Variants in PAX2 observed in about 807,000 individuals in gnomAD.
The protein encoded by PAX2 is paired box 2, also known as paired box protein Pax-2.
Under a neutral mutation model 41.7 loss-of-function variants are expected in PAX2, and 9 were observed. That is an observed-to-expected ratio of 0.22 (90% CI 0.13 to 0.38). The LOEUF (loss-of-function observed/expected upper bound fraction) is 0.38, where lower values mean the gene tolerates loss of function less well. PAX2 is among the 10% of genes least tolerant of loss of function. The pLI is 1.00. For synonymous variants in PAX2, 221 were observed against 212.7 expected (o/e 1.04, Z -0.34); for missense variants, 418 against 531.6 (o/e 0.79, Z 2.10).
chr10:100,774,158 G>T (rs1039404087), intron 3 of PAX2, among the ~76,000 whole-genome samples: 1 of 152,166 alleles, frequency 6.6e-6, no homozygotes, highest in Non-Finnish European at 1.5e-5. Context: ...AAGGTGGAGC[G>T]CTTCTCTCTT....
At chr10:100,762,079 C>T (rs1479506871) in intron 3 of PAX2, among the ~76,000 whole-genome samples, 3 of 152,010 alleles carry the variant, frequency 2.0e-5, no homozygotes, top group Non-Finnish European at 2.9e-5. Flanking sequence ...AGCAGCCCTG[C>T]CAGGCTCGGC....
At chr10:100,802,201 GGAA>G (rs1564734615) in intron 5 of PAX2, among the ~76,000 whole-genome samples, 1 of 152,134 alleles carries the variant, frequency 6.6e-6, no homozygotes, top group African/African-American at 2.4e-5. Context: ...CAGAGAATGG[GGAA>G]GAATACTGGA....
At chr10:100,788,639 G>C (rs1244767674) in intron 5 of PAX2, among the ~76,000 whole-genome samples, 1 of 152,218 alleles carries the variant, frequency 6.6e-6, no homozygotes, top group Admixed American at 6.5e-5. Flanking sequence ...GATGCAGGGG[G>C]CTGGCAGAAC....
At chr10:100,792,038 C>A (rs1461203735) in intron 5 of PAX2, among the ~76,000 whole-genome samples, 2 of 152,200 alleles carry the variant, frequency 1.3e-5, no homozygotes, top group East Asian at 1.9e-4. Context: ...TGCTGGGGAT[C>A]CATTTTTCTC....
At chr10:100,785,580 T>C (rs1018256704) in intron 5 of PAX2, among the ~76,000 whole-genome samples, 24 of 152,202 alleles carry the variant, frequency 1.6e-4, no homozygotes, top group African/African-American at 5.3e-4. Context: ...GATGAAGCCA[T>C]AAATGGAAGA....
chr10:100,763,764 T>C (rs1845915654), intron 3 of PAX2, among the ~76,000 whole-genome samples: 1 of 152,250 alleles, frequency 6.6e-6, no homozygotes, highest in South Asian at 2.1e-4. Flanking sequence ...GCACCTACTA[T>C]GTGCTAGGCA....
chr10:100,827,625 GC>G lies in PAX2; in HGVS notation c.*7del, dbSNP rs1848626306. Reference sequence around the variant, plus strand: ...CTGCCTATGACCGCCACTAGTTACCGCGGGGACCACATCAAGCTTCAGGCCG... The same window carrying G: ...CTGCCTATGACCGCCACTAGTTACCGGGGGACCACATCAAGCTTCAGGCCG... On this transcript the variant is annotated 3_prime_UTR_variant, in exon 10 of 10. Transcript: ENST00000355243. This position sits in a 1 kb window ranked among gnomAD's most constrained non-coding sequence, Gnocchi z 8.5. 1.2e-6 allele frequency: 2 copies of G among 1,613,740 alleles called. No individual in the cohort carries two copies. Among genetic ancestry groups the G allele is most frequent in the African/African-American group, 2.7e-5 (2 of 74,868 alleles).
In PAX2 at chr10:100,750,985, C is replaced by G. The variant is rs1845420066; in HGVS notation, c.410+94C>G. ...CGCCCAGTCTCTGCTCTTTGTCCAG[C>G]CTCTGCCCTTTCTCCCTGCTTCCAG... On this transcript the variant is annotated intron_variant, in intron 3 of 9. Transcript: ENST00000355243. This position sits in a 1 kb window ranked among gnomAD's most constrained non-coding sequence, Gnocchi z 4.1. 3.0e-6 allele frequency: 3 copies of G among 988,004 alleles called. No individual in the cohort carries two copies. The highest frequency in any genetic ancestry group is 4.9e-4 in the Middle Eastern group (2 of 4,116). The allele number at this position is 988,004 out of a possible 1,614,324, so 61.2% of individuals were successfully genotyped here. A position where few individuals can be genotyped will look rare whatever the true frequency, so the allele number is the denominator to read the frequency against.
chr10:100,813,264 C>T (rs1214352614), intron 7 of PAX2, among the ~76,000 whole-genome samples: 1 of 152,236 alleles, frequency 6.6e-6, no homozygotes, highest in African/African-American at 2.4e-5. Flanking sequence ...GCAGCTCTCA[C>T]CGCCCTTGTT....
chr10:100,806,869 C>T (rs749324190), intron 6 of PAX2, among the ~76,000 whole-genome samples: 2 of 152,054 alleles, frequency 1.3e-5, no homozygotes, highest in South Asian at 2.1e-4. Flanking sequence ...TTCAGAGCCT[C>T]GGTTTCCCCA....
At chr10:100,825,290 G>A (rs1320685599) in intron 8 of PAX2, among the ~76,000 whole-genome samples, 2 of 152,162 alleles carry the variant, frequency 1.3e-5, no homozygotes, top group Non-Finnish European at 2.9e-5. Context: ...GGCTGCGGCG[G>A]GAAGCAGGGA....
chr10:100,801,409 T>G (rs1248693857), intron 5 of PAX2, among the ~76,000 whole-genome samples: 6 of 152,180 alleles, frequency 3.9e-5, no homozygotes, highest in Admixed American at 2.0e-4. Context: ...TATGTCAAAG[T>G]TTTGACTCAG....
intron 3 of PAX2, among the ~76,000 whole-genome samples, chr10:100,751,684 G>A (rs539915376): frequency 2.9e-4 from 44 of 152,232 alleles, no homozygotes; most frequent in African/African-American, 1.0e-3. Flanking sequence ...GTGTGCTCTC[G>A]GGGAGAACAC....
intron 5 of PAX2, among the ~76,000 whole-genome samples, chr10:100,788,084 T>G (rs1386313769): frequency 6.6e-6 from 1 of 152,038 alleles, no homozygotes; most frequent in Non-Finnish European, 1.5e-5. Flanking sequence ...TTAACATTTC[T>G]CCCTCTCCCT....
intron 3 of PAX2, among the ~76,000 whole-genome samples, chr10:100,754,739 G>A (rs1564709326): frequency 6.6e-6 from 1 of 152,214 alleles, no homozygotes; most frequent in Non-Finnish European, 1.5e-5. Flanking sequence ...TTGAAGATAT[G>A]TTCCGGGCTA....
intron 7 of PAX2, among the ~76,000 whole-genome samples, chr10:100,813,203 C>T (rs1848057459): frequency 1.3e-5 from 2 of 152,234 alleles, no homozygotes; most frequent in Non-Finnish European, 2.9e-5. Context: ...ACAGGCTTCA[C>T]TGGCCTCTAG....
intron 1 of PAX2, chr10:100,747,029 A>G (rs2133825341): frequency 6.6e-6 from 1 of 152,176 alleles, no homozygotes. Flanking sequence ...TCAAGACACG[A>G]TGGTCATCTT....
chr10:100,759,162 T>A (rs1845748532), intron 3 of PAX2, among the ~76,000 whole-genome samples: 1 of 151,486 alleles, frequency 6.6e-6, no homozygotes, highest in South Asian at 2.1e-4. Context: ...CCCTGCAAGG[T>A]CTTGGGGGTG....
chr10:100,747,653 G>C (rs1452870805), intron 1 of PAX2: 3 of 984,700 alleles, frequency 3.0e-6, no homozygotes, highest in Non-Finnish European at 3.6e-6. Flanking sequence ...CATATATTTA[G>C]CGTTGCGGGG....
Sources: allele counts gnomAD v4.1 joint callset (sites outside exome capture counted in the v4.1 genomes callset), GRCh38; gene constraint gnomAD v4.1.1; non-coding constraint Gnocchi (gnomAD v3.1); transcripts MANE v1.5; gene names NCBI Gene and HGNC (gene_info 2026-07-23, HGNC 2026-07-21).